CNTNAP2: variants seen among roughly 807,000 people sequenced by gnomAD.
The protein encoded by CNTNAP2 is contactin associated protein 2, also known as contactin-associated protein-like 2.
Under a neutral mutation model 155.2 loss-of-function variants are expected in CNTNAP2, and 98 were observed. That is an observed-to-expected ratio of 0.63 (90% confidence interval 0.54 to 0.75). CNTNAP2 has a LOEUF of 0.75. CNTNAP2 is among the 30% of genes least tolerant of loss of function. The pLI is 0.00. For missense variants in CNTNAP2, 1,727 were observed against 1,688.1 expected (o/e 1.02, Z -0.40); for synonymous variants, 651 against 631.2 (o/e 1.03, Z -0.47).
At position 147,311,555 on chromosome 7, in the gene CNTNAP2, C is replaced by G. The variant is rs1232788870; in HGVS notation, c.1498+11265C>G. Among the ~76,000 whole-genome samples the G allele has an allele frequency of 4.6e-5, 7 of 152,230 alleles. No homozygotes were observed. The East Asian group carries it at 1.4e-3, about 29-fold the overall frequency. The stretch of plus-strand genomic sequence containing the variant: ...ATCTGTGGACCCTATTTAGAGCAGC[C>G]AACTCTGACCTCAGGTAGGAAGGGA... On this transcript the variant is annotated intron_variant, in intron 9 of 23. Coordinates refer to ENST00000361727, the MANE Select transcript of CNTNAP2 (RefSeq NM_014141.6).
chr7:147,937,876 T>C (rs893190380), intron 14 of CNTNAP2, among the ~76,000 whole-genome samples: 6 of 152,182 alleles, frequency 3.9e-5, no homozygotes, highest in African/African-American at 9.7e-5. Context: ...CTTTAGATCA[T>C]ACTATATAAT....
Position 147,237,049 on chromosome 7 carries a change from C to CTTTTTTTTT in CNTNAP2, c.1349-63064_1349-63056dup, listed in dbSNP as rs548220734. 2.4e-4 allele frequency among the ~76,000 whole-genome samples: 14 copies of CTTTTTTTTT among 57,478 alleles called. 1 individual carries two copies. The highest frequency in any genetic ancestry group is 4.0e-4 in the African/African-American group (6 of 14,820). 37.7% of individuals were successfully genotyped at this position (57,478 alleles called of 152,430 possible). A position where few individuals can be genotyped will look rare whatever the true frequency, so the allele number is the denominator to read the frequency against. The stretch of plus-strand genomic sequence containing the variant: ...CCACTTCCTTTAGCCTTCACCTCCT[C>CTTTTTTTTT]TTTTTTTTTTTTTTTTTTTTTTTTT... On this transcript the variant is annotated intron_variant, in intron 8 of 23. Transcript: ENST00000361727.
At chr7:146,800,824 A>G (rs1353721103) in intron 2 of CNTNAP2, among the ~76,000 whole-genome samples, 1 of 152,118 alleles carries the variant, frequency 6.6e-6, no homozygotes, top group Non-Finnish European at 1.5e-5. Context: ...AATACAGAGA[A>G]GAGTAAAACA....
At chr7:146,733,535 ATTTG>A (rs1453281923) in intron 1 of CNTNAP2, among the ~76,000 whole-genome samples, 1 of 152,092 alleles carries the variant, frequency 6.6e-6, no homozygotes, top group Non-Finnish European at 1.5e-5. Flanking sequence ...TATTTTGCTA[ATTTG>A]TTTGAACTAG....
chr7:147,315,933 A>T (rs982574074), intron 9 of CNTNAP2, among the ~76,000 whole-genome samples: 1 of 152,020 alleles, frequency 6.6e-6, no homozygotes, highest in Non-Finnish European at 1.5e-5. Flanking sequence ...ATATTTTTAC[A>T]TATATGTATA....
intron 1 of CNTNAP2, among the ~76,000 whole-genome samples, chr7:146,761,726 C>A (rs548383571): frequency 4.6e-5 from 7 of 152,092 alleles, no homozygotes; most frequent in Admixed American, 1.3e-4. Context: ...TTGCCTCCTC[C>A]CTTTGTTCAC....
chr7:147,853,564 T>C (rs942863183), intron 13 of CNTNAP2, among the ~76,000 whole-genome samples: 2 of 152,206 alleles, frequency 1.3e-5, no homozygotes, highest in African/African-American at 4.8e-5. Flanking sequence ...CGATTATATA[T>C]GTTATTTCTG....
chr7:146,923,510 A>G (rs1280037082), intron 3 of CNTNAP2, among the ~76,000 whole-genome samples: 1 of 152,150 alleles, frequency 6.6e-6, no homozygotes, highest in African/African-American at 2.4e-5. Context: ...TTTTAAATTG[A>G]GTAACTGTAA....
intron 3 of CNTNAP2, among the ~76,000 whole-genome samples, chr7:146,878,458 T>TA (rs1795473777): frequency 6.6e-6 from 1 of 151,986 alleles, no homozygotes; most frequent in South Asian, 2.1e-4. Flanking sequence ...TTTTTTTTTT[T>TA]AATAAGATTA....
At chr7:146,234,354 G>A (rs968510394) in intron 1 of CNTNAP2, among the ~76,000 whole-genome samples, 1 of 152,018 alleles carries the variant, frequency 6.6e-6, no homozygotes, top group East Asian at 1.9e-4. Flanking sequence ...TGTATATTCT[G>A]GATATTAGCC....
chr7:146,422,620 T>G (rs1324888624), intron 1 of CNTNAP2, among the ~76,000 whole-genome samples: 1 of 151,932 alleles, frequency 6.6e-6, no homozygotes, highest in Non-Finnish European at 1.5e-5. Context: ...CTAATACCAA[T>G]GCTGTTTTAT....
At chr7:146,690,679 T>C (rs80175818) in intron 1 of CNTNAP2, among the ~76,000 whole-genome samples, 2,780 of 152,284 alleles carry the variant, frequency 0.018, 89 homozygotes, top group African/African-American at 0.063. Flanking sequence ...GACAATTCTA[T>C]GCAAACAAGG....
At chr7:147,762,692 C>T (rs1797321367) in intron 13 of CNTNAP2, among the ~76,000 whole-genome samples, 1 of 129,084 alleles carries the variant, frequency 7.7e-6, no homozygotes, top group African/African-American at 3.0e-5. Flanking sequence ...CATAACTAAA[C>T]ACTGAATGGA....
chr7:146,429,830 C>T (rs961148967), intron 1 of CNTNAP2, among the ~76,000 whole-genome samples: 2 of 152,062 alleles, frequency 1.3e-5, no homozygotes, highest in Non-Finnish European at 2.9e-5. Flanking sequence ...CCAGCTTTTG[C>T]CCATTCTATA....
At chr7:147,186,150 G>A (rs1315325452) in intron 8 of CNTNAP2, among the ~76,000 whole-genome samples, 2 of 152,102 alleles carry the variant, frequency 1.3e-5, no homozygotes, top group African/African-American at 4.8e-5. Context: ...AGTTATTCTG[G>A]GTGAAAGTGA....
rs1234711460 is a variant in CNTNAP2, at chr7:147,842,743, T to TC, written c.2099-60817dup. Among the ~76,000 whole-genome samples, 15 of 82,134 alleles carry TC rather than the reference T, an allele frequency of 1.8e-4. No individual in the cohort carries two copies. The South Asian group carries it at 7.4e-3, about 40-fold the overall frequency. 53.9% of individuals were successfully genotyped at this position (82,134 alleles called of 152,430 possible). A position where few individuals can be genotyped will look rare whatever the true frequency, so the allele number is the denominator to read the frequency against. ...ATCTCCCAATGCTATCCCTCCCCCC[T>TC]CCCCCGACCCCACCACAGTCCCCAG... On this transcript the variant is annotated intron_variant, in intron 13 of 23. Coordinates refer to ENST00000361727, the MANE Select transcript of CNTNAP2 (RefSeq NM_014141.6).
chr7:147,673,550 T>C (rs1378725603), intron 13 of CNTNAP2, among the ~76,000 whole-genome samples: 1 of 152,242 alleles, frequency 6.6e-6, no homozygotes, highest in Non-Finnish European at 1.5e-5. Flanking sequence ...AAAAACCTCA[T>C]TATTCTATTA....
chr7:146,622,596 A>G (rs1012418132), intron 1 of CNTNAP2, among the ~76,000 whole-genome samples: 1 of 152,140 alleles, frequency 6.6e-6, no homozygotes, highest in Non-Finnish European at 1.5e-5. Context: ...ACTATAATCA[A>G]TTACCATGTC....
At chr7:147,383,787 A>C (rs1291298027) in intron 9 of CNTNAP2, among the ~76,000 whole-genome samples, 1 of 152,164 alleles carries the variant, frequency 6.6e-6, no homozygotes, top group Non-Finnish European at 1.5e-5. Context: ...AAAGTAAAAA[A>C]ATAAAAATCG....
Sources: allele counts gnomAD v4.1 joint callset (sites outside exome capture counted in the v4.1 genomes callset), GRCh38; gene constraint gnomAD v4.1.1; transcripts MANE v1.5; gene names NCBI Gene and HGNC (gene_info 2026-07-23, HGNC 2026-07-21).